Variants in FBXL7 observed in about 807,000 individuals in gnomAD.
The protein encoded by FBXL7 is F-box and leucine rich repeat protein 7, also known as F-box/LRR-repeat protein 7.
A neutral mutation model predicts 38.3 loss-of-function variants in FBXL7; 12 were observed. The observed-to-expected ratio is 0.31, with a 90% confidence interval of 0.20 to 0.51. The LOEUF is 0.51. Ranked by LOEUF, FBXL7 falls within the 20% of genes least tolerant of loss-of-function variation. The probability of loss-of-function intolerance (pLI) is 0.98; values close to 1 mark genes in which losing one functional copy is unlikely to be tolerated. For synonymous variants in FBXL7, 297 were observed against 300.9 expected, an observed-to-expected ratio of 0.99 and a Z score of 0.13; for missense variants, 567 against 676.4, an observed-to-expected ratio of 0.84 and a Z score of 1.79.
chr5:15,766,717 C>T (rs1278802649), intron 2 of FBXL7, among the ~76,000 whole-genome samples: 1 of 152,192 alleles, frequency 6.6e-6, no homozygotes, highest in Non-Finnish European at 1.5e-5. Flanking sequence ...TAATTCATGA[C>T]TTTCCTATCT....
intron 2 of FBXL7, among the ~76,000 whole-genome samples, chr5:15,738,966 G>A (rs962612418): frequency 1.3e-5 from 2 of 152,232 alleles, no homozygotes; most frequent in Non-Finnish European, 2.9e-5. Flanking sequence ...GCACTGAGGA[G>A]ATGATCCACA....
At chr5:15,885,549 G>T (rs745425273) in intron 2 of FBXL7, among the ~76,000 whole-genome samples, 3 of 152,132 alleles carry the variant, frequency 2.0e-5, no homozygotes, top group Admixed American at 6.6e-5. Flanking sequence ...CTTTAATCAG[G>T]ACAAAATGAA....
intron 1 of FBXL7, chr5:15,580,548 C>A: frequency 1.1e-6 from 1 of 876,102 alleles, no homozygotes. Context: ...GATAAGCAAA[C>A]CAAGAAGCCA....
intron 2 of FBXL7, among the ~76,000 whole-genome samples, chr5:15,845,929 A>G (rs1738887666): frequency 6.6e-6 from 1 of 152,204 alleles, no homozygotes; most frequent in Non-Finnish European, 1.5e-5. Context: ...CCGAGATTGC[A>G]CCACTGCACT....
chr5:15,516,924 T>C lies in FBXL7; in HGVS notation c.37+16211T>C, dbSNP rs547980252. Reference sequence around the variant, plus strand: ...TGAACTGTGAGTCAGTTAAACCTCTTTCCTTTATAAATTACCTAGTCTTGG... The same window carrying C: ...TGAACTGTGAGTCAGTTAAACCTCTCTCCTTTATAAATTACCTAGTCTTGG... On this transcript the variant is annotated intron_variant, in intron 1 of 3. Coordinates refer to ENST00000504595, the MANE Select transcript of FBXL7 (RefSeq NM_012304.5). 8.5e-5 allele frequency among the ~76,000 whole-genome samples: 13 copies of C among 152,330 alleles called. 1 individual carries two copies. The East Asian group carries it at 2.5e-3, about 29-fold the overall frequency.
chr5:15,707,702 G>A (rs1561093926), intron 2 of FBXL7, among the ~76,000 whole-genome samples: 1 of 152,206 alleles, frequency 6.6e-6, no homozygotes, highest in Admixed American at 6.5e-5. Context: ...TAGGAGGGCA[G>A]GGTGCAAACC....
chr5:15,679,568 TTTTTTTTTTC>T (rs1376277710), intron 2 of FBXL7, among the ~76,000 whole-genome samples: 12 of 151,856 alleles, frequency 7.9e-5, no homozygotes, highest in African/African-American at 2.9e-4. Flanking sequence ...GTTTTTTTTT[TTTTTTTTTTC>T]AGAATGGTGT....
At chr5:15,818,732 G>GTGTGTA (rs1554023717) in intron 2 of FBXL7, among the ~76,000 whole-genome samples, 1 of 89,556 alleles carries the variant, frequency 1.1e-5, no homozygotes, top group Non-Finnish European at 2.7e-5. Context: ...GTGTGTGTGT[G>GTGTGTA]TGTGTGTGTG....
At chr5:15,575,120 G>A (rs1009894206) in intron 1 of FBXL7, among the ~76,000 whole-genome samples, 1 of 152,094 alleles carries the variant, frequency 6.6e-6, no homozygotes, top group South Asian at 2.1e-4. Flanking sequence ...ACACAGGACA[G>A]CATCCACAAC....
rs1476449570 is a variant in FBXL7, at chr5:15,938,693, C to A, written c.*1507C>A. ...CTTAGACTCTGGTCCACCAACCAGA[C>A]CCTTGGAAAGGAATACTAAAATCAT... is the stretch of plus-strand genomic sequence containing the variant. On this transcript the variant is annotated 3_prime_UTR_variant, in exon 4 of 4. Transcript: ENST00000504595. 2 of 251,140 alleles carry A rather than the reference C, an allele frequency of 8.0e-6. No homozygotes were observed. Among genetic ancestry groups the A allele is most frequent in the East Asian group, 7.1e-5 (1 of 14,084 alleles). The allele number at this position is 251,140 out of a possible 1,614,324, so 15.6% of individuals were successfully genotyped here.
intron 2 of FBXL7, among the ~76,000 whole-genome samples, chr5:15,719,495 G>A (rs760534811): frequency 4.0e-5 from 6 of 148,440 alleles, no homozygotes; most frequent in African/African-American, 4.9e-5. Flanking sequence ...GCAAGTGATC[G>A]CCAGTCTGGG....
At chr5:15,842,258 C>A (rs572806343) in intron 2 of FBXL7, among the ~76,000 whole-genome samples, 37 of 152,308 alleles carry the variant, frequency 2.4e-4, no homozygotes, top group South Asian at 1.9e-3. Flanking sequence ...CAAAGGAGAT[C>A]ATTTTGGAAC....
intron 2 of FBXL7, among the ~76,000 whole-genome samples, chr5:15,668,111 C>T (rs1178298539): frequency 3.3e-5 from 5 of 152,164 alleles, no homozygotes; most frequent in Non-Finnish European, 5.9e-5. Context: ...ACCTGATGAG[C>T]CATCTAATCC....
chr5:15,505,254 T>C (rs976777495), intron 1 of FBXL7, among the ~76,000 whole-genome samples: 2 of 152,188 alleles, frequency 1.3e-5, no homozygotes, highest in African/African-American at 4.8e-5. Flanking sequence ...GCAAGGATCT[T>C]GTGGGGTAGT....
At chr5:15,620,414 T>G (rs1321372462) in intron 2 of FBXL7, among the ~76,000 whole-genome samples, 1 of 93,914 alleles carries the variant, frequency 1.1e-5, no homozygotes, top group Non-Finnish European at 2.3e-5. Flanking sequence ...TTGTTTTTTG[T>G]TTTTTTTTTT....
chr5:15,938,733 T>G lies in FBXL7; in HGVS notation c.*1547T>G. The G allele has an allele frequency of 5.8e-6, 2 of 347,624 alleles. No individual in the cohort carries two copies. The highest frequency in any genetic ancestry group is 1.0e-5 in the Non-Finnish European group (2 of 194,790). 21.5% of individuals were successfully genotyped at this position (347,624 alleles called of 1,614,324 possible). A position where few individuals can be genotyped will look rare whatever the true frequency, so the allele number is the denominator to read the frequency against. On this transcript the variant is annotated 3_prime_UTR_variant, in exon 4 of 4. Transcript: ENST00000504595. The stretch of plus-strand genomic sequence containing the variant: ...ACTAAAATCATTACAAGGTATGGAT[T>G]TTAAATGGATGAAACTTCAAATTAT...
At chr5:15,821,014 G>T (rs764810713) in intron 2 of FBXL7, among the ~76,000 whole-genome samples, 2 of 152,156 alleles carry the variant, frequency 1.3e-5, no homozygotes, top group Non-Finnish European at 2.9e-5. Flanking sequence ...CTGGGCTGCT[G>T]TCCTACTGCA....
intron 2 of FBXL7, among the ~76,000 whole-genome samples, chr5:15,824,312 G>A (rs1389730404): frequency 5.4e-5 from 7 of 130,700 alleles, no homozygotes; most frequent in Middle Eastern, 4.1e-3. Flanking sequence ...AAAAAAAAAA[G>A]AGAAAAACGT....
chr5:15,644,758 A>T (rs967635791), intron 2 of FBXL7, among the ~76,000 whole-genome samples: 1 of 152,100 alleles, frequency 6.6e-6, no homozygotes, highest in Non-Finnish European at 1.5e-5. Context: ...TGGTTTTCAG[A>T]TACAGAGAAC....
Sources: allele counts gnomAD v4.1 joint callset (sites outside exome capture counted in the v4.1 genomes callset), GRCh38; gene constraint gnomAD v4.1.1; transcripts MANE v1.5; gene names NCBI Gene and HGNC (gene_info 2026-07-23, HGNC 2026-07-21).